MGLL: variants seen among roughly 807,000 people sequenced by gnomAD.
MGLL encodes the protein lysophospholipase homolog.
MGLL carries 7 observed loss-of-function variants against 29.1 expected under a neutral mutation model. That is an observed-to-expected ratio of 0.24 (90% CI 0.14 to 0.45). The LOEUF (loss-of-function observed/expected upper bound fraction) is 0.45, where lower values mean the gene tolerates loss of function less well. Among genes scored for constraint, MGLL ranks in the 20% least tolerant of loss-of-function variants. The pLI is 0.99. For missense variants in MGLL, 356 were observed against 413.6 expected (o/e 0.86, Z 1.21); for synonymous variants, 148 against 168.3 (o/e 0.88, Z 0.93).
At chr3:127,771,792 G>A (rs1011387841) in intron 3 of MGLL, among the ~76,000 whole-genome samples, 4 of 152,194 alleles carry the variant, frequency 2.6e-5, no homozygotes, top group African/African-American at 9.7e-5. Context: ...AAATTATAAA[G>A]AGAAGCCCTA....
At chr3:127,804,142 T>C (rs561814349) in intron 2 of MGLL, among the ~76,000 whole-genome samples, 10 of 152,252 alleles carry the variant, frequency 6.6e-5, no homozygotes, top group Non-Finnish European at 1.3e-4. Flanking sequence ...AAAGGTGGCG[T>C]GTAAACAATC....
At chr3:127,776,178 C>A (rs768468520) in intron 3 of MGLL, among the ~76,000 whole-genome samples, 1 of 152,174 alleles carries the variant, frequency 6.6e-6, no homozygotes, top group Non-Finnish European at 1.5e-5. Context: ...CTCCTGGTGG[C>A]CTTCCATCCT....
intron 6 of MGLL, among the ~76,000 whole-genome samples, chr3:127,709,663 A>G (rs1196430198): frequency 6.6e-6 from 1 of 152,226 alleles, no homozygotes; most frequent in Non-Finnish European, 1.5e-5. Flanking sequence ...CAGTGATTCA[A>G]TGATTTCAAA....
chr3:127,821,969 GT>G lies in MGLL; in HGVS notation c.11-132del, dbSNP rs2077869514. 3.2e-5 allele frequency: 32 copies of G among 996,028 alleles called. No individual in the cohort carries two copies. In the South Asian group the frequency reaches 5.4e-4, roughly 17 times the overall value. 61.7% of individuals were successfully genotyped at this position (996,028 alleles called of 1,614,324 possible). The stretch of plus-strand genomic sequence containing the variant: ...TTTAAAAAACCCCTCTGTTTCAAAG[GT>G]TTAAAACATACATACATTTCTTGCA... On this transcript the variant is annotated intron_variant, in intron 1 of 7. Transcript: ENST00000265052.
intron 3 of MGLL, among the ~76,000 whole-genome samples, chr3:127,738,913 C>T (rs1053898028): frequency 2.0e-5 from 3 of 152,230 alleles, no homozygotes; most frequent in East Asian, 1.9e-4. Context: ...CAATGCCCTA[C>T]GGCCACACGC....
intron 3 of MGLL, among the ~76,000 whole-genome samples, chr3:127,748,296 T>C: frequency 6.6e-6 from 1 of 151,808 alleles, no homozygotes; most frequent in Non-Finnish European, 1.5e-5. Context: ...CAACTGAGGG[T>C]TACGCATCGC....
intron 3 of MGLL, among the ~76,000 whole-genome samples, chr3:127,739,710 A>G (rs1296429086): frequency 2.0e-5 from 3 of 152,222 alleles, no homozygotes; most frequent in Non-Finnish European, 4.4e-5. Flanking sequence ...GGGATGGAGC[A>G]GCAGGCCTGA....
chr3:127,697,443 G>A (rs2075390829), intron 6 of MGLL, among the ~76,000 whole-genome samples: 1 of 152,208 alleles, frequency 6.6e-6, no homozygotes, highest in South Asian at 2.1e-4. Flanking sequence ...ATGAGGAATT[G>A]CTCTCATTCT....
At chr3:127,781,976 T>C in intron 2 of MGLL, 81 bp from the exon 3 acceptor site, 5 of 1,350,856 alleles carry the variant, frequency 3.7e-6, no homozygotes, top group Non-Finnish European at 5.3e-6. Context: ...ATTCCAGCAC[T>C]TTGGGAGGCC....
At position 127,822,324 on chromosome 3, in the gene MGLL, G is replaced by C. The variant is rs967146470; in HGVS notation, c.-6C>G. The C allele has an allele frequency of 9.3e-6, 15 of 1,613,640 alleles. No individual in the cohort carries two copies. In the Admixed American group the frequency reaches 1.5e-4, roughly 16 times the overall value. ...CATGACAAACCTGTTTCCATTATGTGCTGGCGTTTGCATTCCACAACCACG... is the reference window on the plus strand; with the variant it reads ...CATGACAAACCTGTTTCCATTATGTCCTGGCGTTTGCATTCCACAACCACG... On this transcript the variant is annotated 5_prime_UTR_variant, in exon 1 of 8. Transcript: ENST00000265052.
chr3:127,736,752 T>C (rs889238119), intron 3 of MGLL, among the ~76,000 whole-genome samples: 1 of 152,212 alleles, frequency 6.6e-6, no homozygotes, highest in Non-Finnish European at 1.5e-5. Flanking sequence ...TGGAGTGCAG[T>C]GGTGCAATCT....
At chr3:127,710,888 A>C (rs568815860) in intron 5 of MGLL, 42 of 533,312 alleles carry the variant, frequency 7.9e-5, no homozygotes, top group African/African-American at 7.7e-4. Context: ...GGAGCTGGCC[A>C]GGCAGCCGCT....
intron 3 of MGLL, among the ~76,000 whole-genome samples, chr3:127,780,627 C>A (rs879388574): frequency 2.6e-5 from 4 of 152,190 alleles, no homozygotes; most frequent in Admixed American, 2.6e-4. Context: ...AATAAGAGCC[C>A]CTGGCAAATC....
rs573406807 is a variant in MGLL at position 127,811,248 on chromosome 3, C to T, written c.155+10446G>A. 3.5e-3 allele frequency among the ~76,000 whole-genome samples: 527 copies of T among 152,040 alleles called. 73 individuals carry two copies. The highest frequency in any genetic ancestry group is 0.012 in the African/African-American group (491 of 41,330). On this transcript the variant is annotated intron_variant, in intron 2 of 7. Coordinates refer to ENST00000265052, the MANE Select transcript of MGLL (RefSeq NM_007283.7). ...CCATGCAACAAACGTGTTTTGATCC[C>T]TTATTTTGTGCCAGGTATGAAACTC... is the stretch of plus-strand genomic sequence containing the variant.
At chr3:127,736,208 A>T (rs2076239806) in intron 3 of MGLL, 1 of 1,004,738 alleles carries the variant, frequency 1.0e-6, no homozygotes, top group Non-Finnish European at 1.2e-6. Flanking sequence ...ACTTTAAAAA[A>T]CAAAGAAGAT....
intron 2 of MGLL, among the ~76,000 whole-genome samples, chr3:127,790,483 C>T (rs903521185): frequency 2.0e-5 from 3 of 152,170 alleles, no homozygotes; most frequent in African/African-American, 4.8e-5. Context: ...CATTGCCTGT[C>T]GTGGACGATT....
At chr3:127,754,581 G>C (rs1202326420) in intron 3 of MGLL, among the ~76,000 whole-genome samples, 2 of 152,254 alleles carry the variant, frequency 1.3e-5, no homozygotes, top group African/African-American at 4.8e-5. Flanking sequence ...AGAGAGGAGA[G>C]AGGGCTGGCG....
intron 3 of MGLL, among the ~76,000 whole-genome samples, chr3:127,733,594 G>A (rs2076189728): frequency 1.3e-5 from 2 of 152,192 alleles, no homozygotes; most frequent in East Asian, 1.9e-4. Context: ...TTGGGAGGAC[G>A]TGGCCTGAGA....
intron 3 of MGLL, 22 bp from the exon 4 acceptor site, chr3:127,722,588 G>A (rs2075950853): frequency 6.2e-7 from 1 of 1,614,230 alleles, no homozygotes; most frequent in Non-Finnish European, 8.5e-7. Flanking sequence ...CGGGAGATGA[G>A]AGAGAGCTGC....
Sources: gnomAD v4.1 joint callset for allele counts (sites outside exome capture counted in the v4.1 genomes callset) on GRCh38, gnomAD v4.1.1 for gene constraint, MANE v1.5 for transcripts, NCBI Gene and HGNC (gene_info 2026-07-23, HGNC 2026-07-21) for gene names.